The following SCHIP1 variants were observed in gnomAD, a reference collection of about 807,000 sequenced individuals.
SCHIP1 encodes schwannomin interacting protein 1, also known as schwannomin-interacting protein 1.
A neutral mutation model predicts 29.7 loss-of-function variants in SCHIP1; 8 were observed. That is an observed-to-expected ratio of 0.27 (90% CI 0.16 to 0.49). The LOEUF is 0.49. SCHIP1 is among the 20% of genes least tolerant of loss of function. SCHIP1 has a pLI of 0.99. For synonymous variants in SCHIP1, 76 were observed against 94.9 expected (o/e 0.80, Z 1.16); for missense variants, 193 against 294.6 (o/e 0.66, Z 2.52).
At chr3:159,749,614 C>T in the SCHIP1 span, among the ~76,000 whole-genome samples, 3 of 152,256 alleles carry the variant, frequency 2.0e-5, no homozygotes, top group South Asian at 4.1e-4. Context: ...TTGATTTACT[C>T]GGTGCTTATT....
the SCHIP1 span, among the ~76,000 whole-genome samples, chr3:159,552,449 C>CA: frequency 5.9e-4 from 89 of 149,890 alleles, no homozygotes; most frequent in Middle Eastern, 3.4e-3. Context: ...AATGAATCGA[C>CA]AAAAAAAAAT....
At chr3:159,506,359 A>G in the SCHIP1 span, among the ~76,000 whole-genome samples, 2 of 152,226 alleles carry the variant, frequency 1.3e-5, no homozygotes, top group South Asian at 2.1e-4. Flanking sequence ...GTAGATTCTG[A>G]ATATTAGCCC....
At chr3:159,562,403 G>A in the SCHIP1 span, among the ~76,000 whole-genome samples, 4 of 152,136 alleles carry the variant, frequency 2.6e-5, no homozygotes, top group Non-Finnish European at 5.9e-5. Flanking sequence ...CCTTTCCAAG[G>A]AGGCAGCCTC....
At chr3:159,576,968 C>G in the SCHIP1 span, among the ~76,000 whole-genome samples, 7 of 152,240 alleles carry the variant, frequency 4.6e-5, no homozygotes, top group South Asian at 1.5e-3. Context: ...TATCTAAGTG[C>G]TTTGTAGCTT....
At chr3:159,686,371 G>A in the SCHIP1 span, among the ~76,000 whole-genome samples, 4 of 152,262 alleles carry the variant, frequency 2.6e-5, no homozygotes, top group African/African-American at 9.6e-5. Context: ...CTCTTCCAGA[G>A]GAAGTTATCT....
chr3:159,279,259 G>A, the SCHIP1 span, among the ~76,000 whole-genome samples: 2 of 152,116 alleles, frequency 1.3e-5, no homozygotes, highest in South Asian at 4.1e-4. Flanking sequence ...TTTATAAAGG[G>A]CAGTTCCCCT....
At chr3:159,494,039 G>C in the SCHIP1 span, among the ~76,000 whole-genome samples, 4 of 152,310 alleles carry the variant, frequency 2.6e-5, no homozygotes, top group South Asian at 8.3e-4. Flanking sequence ...AAATAAAGAT[G>C]TTCTTTGAAA....
the SCHIP1 span, among the ~76,000 whole-genome samples, chr3:159,597,787 A>T: frequency 6.6e-6 from 1 of 152,204 alleles, no homozygotes; most frequent in African/African-American, 2.4e-5. Flanking sequence ...CTTTGGGTTG[A>T]TACTCAGTAA....
the SCHIP1 span, among the ~76,000 whole-genome samples, chr3:159,805,416 C>G: frequency 1.3e-5 from 2 of 152,192 alleles, no homozygotes; most frequent in East Asian, 3.9e-4. Context: ...CTGTGACACA[C>G]TCACACACAC....
At chr3:159,626,248 CTATATAGATAGATAGA>C in the SCHIP1 span, among the ~76,000 whole-genome samples, 1 of 65,060 alleles carries the variant, frequency 1.5e-5, no homozygotes, top group Non-Finnish European at 2.8e-5. Context: ...ATCTATCTAT[CTATATAGATAGATAGA>C]TAGATAGATA....
chr3:159,473,513 G>T, the SCHIP1 span, among the ~76,000 whole-genome samples: 1 of 151,718 alleles, frequency 6.6e-6, no homozygotes, highest in Non-Finnish European at 1.5e-5. Flanking sequence ...TATTTGACAG[G>T]AAAATATATC....
At chr3:159,673,282 C>G in the SCHIP1 span, among the ~76,000 whole-genome samples, 1 of 152,188 alleles carries the variant, frequency 6.6e-6, no homozygotes, top group Non-Finnish European at 1.5e-5. Flanking sequence ...TGTGCAGAGC[C>G]TGGTGAGCAG....
At chr3:159,615,671 G>C in the SCHIP1 span, among the ~76,000 whole-genome samples, 1 of 152,120 alleles carries the variant, frequency 6.6e-6, no homozygotes, top group Non-Finnish European at 1.5e-5. Context: ...AGATGGTGTG[G>C]GGGTGAAGAG....
the SCHIP1 span, among the ~76,000 whole-genome samples, chr3:159,726,514 A>G: frequency 6.6e-6 from 1 of 152,180 alleles, no homozygotes; most frequent in Non-Finnish European, 1.5e-5. Flanking sequence ...TCAGCTGATC[A>G]TATTGAACCA....
At chr3:159,798,497 C>T in the SCHIP1 span, among the ~76,000 whole-genome samples, 1 of 151,980 alleles carries the variant, frequency 6.6e-6, no homozygotes, top group African/African-American at 2.4e-5. Context: ...GTGGTTCACG[C>T]CCGTAATCCC....
intron 2 of SCHIP1, among the ~76,000 whole-genome samples, chr3:159,878,340 G>A: frequency 6.6e-6 from 1 of 152,058 alleles, no homozygotes; most frequent in East Asian, 1.9e-4. Flanking sequence ...TAGCTGGCTG[G>A]GTATGGTGGC....
chr3:159,624,195 C>T, the SCHIP1 span, among the ~76,000 whole-genome samples: 5 of 152,148 alleles, frequency 3.3e-5, no homozygotes, highest in Admixed American at 2.6e-4. Flanking sequence ...CTCACAGCAA[C>T]CCTCTAAAAT....
At chr3:159,827,711 A>G in the SCHIP1 span, among the ~76,000 whole-genome samples, 4 of 151,842 alleles carry the variant, frequency 2.6e-5, no homozygotes, top group African/African-American at 9.7e-5. Context: ...AGGCTGAGGC[A>G]GGAGAATGGC....
chr3:159,412,497 A>G, the SCHIP1 span, among the ~76,000 whole-genome samples: 1 of 152,214 alleles, frequency 6.6e-6, no homozygotes, highest in Non-Finnish European at 1.5e-5. Context: ...TGTAATTGTA[A>G]TTGGGTGTAC....
Sources: allele counts gnomAD v4.1 joint callset (sites outside exome capture counted in the v4.1 genomes callset), GRCh38; gene constraint gnomAD v4.1.1; transcripts MANE v1.5; gene names NCBI Gene and HGNC (gene_info 2026-07-23, HGNC 2026-07-21).